The following PALD1 variants were observed in gnomAD, a reference collection of about 807,000 sequenced individuals.
PALD1 encodes the protein phosphatase domain containing paladin 1, also known as paladin.
A neutral mutation model predicts 96.0 loss-of-function variants in PALD1; 57 were observed. The ratio of observed to expected loss-of-function variants is 0.59; its 90% CI spans 0.48 to 0.74. The LOEUF (loss-of-function observed/expected upper bound fraction) is 0.74. PALD1 is among the 30% of genes least tolerant of loss of function. The pLI, the probability that PALD1 is intolerant of heterozygous loss-of-function variation, is 0.00. For missense variants in PALD1, 1,063 were observed against 1,143.7 expected (o/e 0.93, Z 1.02); for synonymous variants, 464 against 473.6 (o/e 0.98, Z 0.26).
Position 70,537,799 on chromosome 10 carries a change from CCT to C in PALD1, c.1228-4_1228-3del, listed in dbSNP as rs766521015. ...GAGGAGTCTGTCCTTAACACCCTGT[CCT>C]CTCTCTCAGGGAAGCGGCAGCCGAC... On this transcript the variant is annotated splice_polypyrimidine_tract_variant and intron_variant, in intron 10 of 19. Coordinates refer to ENST00000263563, the MANE Select transcript of PALD1 (RefSeq NM_014431.3). 1.1e-5 allele frequency: 18 copies of C among 1,591,270 alleles called. No individual in the cohort carries two copies. The highest frequency in any genetic ancestry group is 1.7e-5 in the Admixed American group (1 of 59,916).
chr10:70,508,786 T>C (rs1021763773), intron 1 of PALD1, among the ~76,000 whole-genome samples: 7 of 63,150 alleles, frequency 1.1e-4, no homozygotes, highest in African/African-American at 3.9e-4. Context: ...CTGTATGGCG[T>C]GTGTGTGTGT....
At chr10:70,458,504 C>T in the PALD1 span, among the ~76,000 whole-genome samples, 291 of 152,242 alleles carry the variant, frequency 1.9e-3, no homozygotes, top group Non-Finnish European at 3.2e-3. Context: ...GGAGGGCGAC[C>T]CGGGTGAGTC....
chr10:70,511,311 A>G (rs1025105281), intron 1 of PALD1, among the ~76,000 whole-genome samples: 1 of 152,190 alleles, frequency 6.6e-6, no homozygotes, highest in African/African-American at 2.4e-5. Flanking sequence ...GCTCTACCCT[A>G]TAGTTTCCTT....
intron 1 of PALD1, among the ~76,000 whole-genome samples, chr10:70,482,409 G>A (rs920091150): frequency 2.6e-5 from 4 of 152,224 alleles, no homozygotes; most frequent in African/African-American, 4.8e-5. Flanking sequence ...CTTGGGCCAA[G>A]GCACTTGCAG....
chr10:70,466,551 G>T, the PALD1 span, among the ~76,000 whole-genome samples: 1 of 152,094 alleles, frequency 6.6e-6, no homozygotes, highest in Non-Finnish European at 1.5e-5. Context: ...CCATTTTAAC[G>T]ATTTTTAATT....
chr10:70,550,096 A>G (rs565403408), intron 18 of PALD1, among the ~76,000 whole-genome samples: 1 of 152,230 alleles, frequency 6.6e-6, no homozygotes, highest in African/African-American at 2.4e-5. Flanking sequence ...ACTGAAGAGC[A>G]GAGGGACTGA....
chr10:70,534,766 G>A lies in PALD1; in HGVS notation c.1150G>A (p.Glu384Lys), dbSNP rs780365403. The change falls in exon 10 of 20, where the codon GAG becomes AAG. Residue 384 changes from glutamate (E) to lysine (K), a missense_variant. Coordinates refer to ENST00000263563, the MANE Select transcript of PALD1 (RefSeq NM_014431.3). ...EVDRAITACAELHDLKEVVLE... is the reference protein window; with the variant it reads ...EVDRAITACAKLHDLKEVVLE... Reference sequence around the variant, plus strand: ...GGACAGAGCCATCACTGCCTGTGCCGAGTTGCATGACCTGAAAGAAGTGGT... The same window carrying A: ...GGACAGAGCCATCACTGCCTGTGCCAAGTTGCATGACCTGAAAGAAGTGGT... 7.7e-5 allele frequency: 124 copies of A among 1,610,530 alleles called. No homozygotes were observed. The highest frequency in any genetic ancestry group is 2.3e-4 in the South Asian group (21 of 90,396).
At chr10:70,501,850 T>C (rs1243632350) in intron 1 of PALD1, among the ~76,000 whole-genome samples, 10 of 112,010 alleles carry the variant, frequency 8.9e-5, no homozygotes, top group Admixed American at 7.1e-4. Flanking sequence ...CGTGCATGCA[T>C]ACCTGTGTTC....
Position 70,525,946 on chromosome 10 carries a change from C to A in PALD1, c.-6C>A, listed in dbSNP as rs753222262. ...AGGTCTGGGGTCCTGAGGCTGCTGGCAGACTATGGGTACAACGGCCAGCAC... is the reference window on the plus strand; with the variant it reads ...AGGTCTGGGGTCCTGAGGCTGCTGGAAGACTATGGGTACAACGGCCAGCAC... On this transcript the variant is annotated 5_prime_UTR_variant, in exon 2 of 20. Transcript: ENST00000263563. 6.2e-7 allele frequency: 1 copy of A among 1,613,932 alleles called. No homozygotes were observed. The highest frequency in any genetic ancestry group is 1.1e-5 in the South Asian group (1 of 91,064).
At chr10:70,516,921 G>A (rs1349958150) in intron 1 of PALD1, among the ~76,000 whole-genome samples, 2 of 151,678 alleles carry the variant, frequency 1.3e-5, no homozygotes, top group Non-Finnish European at 2.9e-5. Flanking sequence ...TTCAGAATCC[G>A]GTATGTATGT....
intron 18 of PALD1, among the ~76,000 whole-genome samples, chr10:70,550,596 C>G (rs1847460772): frequency 6.6e-6 from 1 of 152,192 alleles, no homozygotes; most frequent in African/African-American, 2.4e-5. Context: ...CATTTTTCAT[C>G]ACCCTAAAAA....
At chr10:70,546,055 G>A (rs1847355525) in intron 17 of PALD1, among the ~76,000 whole-genome samples, 1 of 146,438 alleles carries the variant, frequency 6.8e-6, no homozygotes, top group South Asian at 2.2e-4. Context: ...TGGCCAACAT[G>A]GTGAAACCCT....
At chr10:70,536,283 A>G (rs1847114649) in intron 10 of PALD1, among the ~76,000 whole-genome samples, 2 of 152,072 alleles carry the variant, frequency 1.3e-5, no homozygotes. Flanking sequence ...GCTGAGCAAC[A>G]GAGCAAGACC....
At chr10:70,505,316 C>G (rs1846362837) in intron 1 of PALD1, among the ~76,000 whole-genome samples, 2 of 152,146 alleles carry the variant, frequency 1.3e-5, no homozygotes, top group African/African-American at 4.8e-5. Context: ...TCTGCCATGG[C>G]CAGGTGTGGT....
chr10:70,544,286 G>A (rs1478943091), intron 17 of PALD1, among the ~76,000 whole-genome samples: 1 of 152,076 alleles, frequency 6.6e-6, no homozygotes, highest in Non-Finnish European at 1.5e-5. Flanking sequence ...ATTCTGGAAA[G>A]GGCAGGAACT....
intron 1 of PALD1, among the ~76,000 whole-genome samples, chr10:70,484,731 G>A (rs990231408): frequency 6.6e-6 from 1 of 151,908 alleles, no homozygotes; most frequent in South Asian, 2.1e-4. Context: ...TATAGATGGG[G>A]TTTTGCCATT....
rs370076326 is a variant in PALD1, at chr10:70,566,031, C to T, written c.2419-550C>T. Among the ~76,000 whole-genome samples, 23 of 152,298 alleles carry T rather than the reference C, an allele frequency of 1.5e-4. No homozygotes were observed. The East Asian group carries it at 2.3e-3, about 15-fold the overall frequency. On this transcript the variant is annotated intron_variant, in intron 19 of 19. Transcript: ENST00000263563. ...CAGTGAGGGAGGCCCCAGAGCGGGA[C>T]GGACCCATTCCTTTGTTCTAAGTGG...
At chr10:70,530,804 C>T (rs1408022905) in intron 4 of PALD1, among the ~76,000 whole-genome samples, 1 of 152,100 alleles carries the variant, frequency 6.6e-6, no homozygotes, top group Non-Finnish European at 1.5e-5. Context: ...GACCATCTGC[C>T]CACACATTTC....
At chr10:70,469,505 C>T in the PALD1 span, among the ~76,000 whole-genome samples, 1 of 152,154 alleles carries the variant, frequency 6.6e-6, no homozygotes, top group Non-Finnish European at 1.5e-5. Flanking sequence ...GCATTGAATG[C>T]ATTATGCTTC....
Sources: gnomAD v4.1 joint callset for allele counts (sites outside exome capture counted in the v4.1 genomes callset) on GRCh38, gnomAD v4.1.1 for gene constraint, MANE v1.5 for transcripts, NCBI Gene and HGNC (gene_info 2026-07-23, HGNC 2026-07-21) for gene names.